NRG3: variants seen among roughly 807,000 people sequenced by gnomAD.
NRG3 encodes the protein pro-neuregulin-3, membrane-bound isoform.
A neutral mutation model predicts 66.9 loss-of-function variants in NRG3; 31 were observed. The ratio of observed to expected loss-of-function variants is 0.46; its 90% CI spans 0.35 to 0.63. NRG3 has a LOEUF of 0.63. Ranked by LOEUF, NRG3 falls within the 20% of genes least tolerant of loss-of-function variation. NRG3 has a pLI of 0.00. For missense variants in NRG3, 910 were observed against 878.9 expected (o/e 1.04, Z -0.45); for synonymous variants, 393 against 359.4 (o/e 1.09, Z -1.06).
At chr10:82,507,190 A>G (rs1349549796) in intron 2 of NRG3, among the ~76,000 whole-genome samples, 1 of 152,152 alleles carries the variant, frequency 6.6e-6, no homozygotes, top group East Asian at 1.9e-4. Context: ...TTGAGTTGGG[A>G]CCATGCTTCC....
intron 1 of NRG3, among the ~76,000 whole-genome samples, chr10:81,887,698 T>C (rs1842723622): frequency 6.6e-6 from 1 of 152,052 alleles, no homozygotes; most frequent in African/African-American, 2.4e-5. Context: ...TGGTGATGAG[T>C]TGTGCTCAAA....
chr10:82,822,436 G>A (rs984033404), intron 3 of NRG3, among the ~76,000 whole-genome samples: 1 of 152,100 alleles, frequency 6.6e-6, no homozygotes, highest in Non-Finnish European at 1.5e-5. Flanking sequence ...CTGCCACAAA[G>A]GTCTTAATGC....
chr10:81,982,544 A>G (rs2060368222), intron 1 of NRG3, among the ~76,000 whole-genome samples: 1 of 152,210 alleles, frequency 6.6e-6, no homozygotes, highest in Non-Finnish European at 1.5e-5. Flanking sequence ...ACAGACAACA[A>G]AAATGTATTT....
At chr10:82,196,506 A>G (rs955950724) in intron 1 of NRG3, among the ~76,000 whole-genome samples, 4 of 152,170 alleles carry the variant, frequency 2.6e-5, no homozygotes, top group African/African-American at 7.2e-5. Context: ...ACACAACCCA[A>G]TTTATCTTTC....
intron 4 of NRG3, among the ~76,000 whole-genome samples, chr10:82,946,033 A>T (rs1038339791): frequency 1.3e-4 from 20 of 152,076 alleles, no homozygotes; most frequent in Non-Finnish European, 1.0e-4. Flanking sequence ...TGTTAATTCA[A>T]GTAACAAGTC....
intron 2 of NRG3, among the ~76,000 whole-genome samples, chr10:82,506,820 A>G (rs991982649): frequency 1.2e-4 from 19 of 152,316 alleles, no homozygotes; most frequent in African/African-American, 4.3e-4. Context: ...TAAAGCTCAC[A>G]TGCTATGGAA....
chr10:82,035,028 T>G (rs1175443103), intron 1 of NRG3, among the ~76,000 whole-genome samples: 1 of 152,132 alleles, frequency 6.6e-6, no homozygotes, highest in Non-Finnish European at 1.5e-5. Flanking sequence ...CTCCGTGCTG[T>G]TCATGGTTCT....
chr10:82,105,910 T>G (rs145325011), intron 1 of NRG3, among the ~76,000 whole-genome samples: 102 of 152,230 alleles, frequency 6.7e-4, no homozygotes, highest in African/African-American at 2.3e-3. Flanking sequence ...ATGCAAAGCC[T>G]TATGTCATAT....
intron 1 of NRG3, among the ~76,000 whole-genome samples, chr10:81,940,870 T>C (rs1848349016): frequency 6.6e-6 from 1 of 152,086 alleles, no homozygotes; most frequent in Non-Finnish European, 1.5e-5. Context: ...GTATATCCTA[T>C]CACATCTTGA....
At chr10:82,967,619 G>T (rs528786273) in intron 6 of NRG3, among the ~76,000 whole-genome samples, 4 of 152,092 alleles carry the variant, frequency 2.6e-5, no homozygotes, top group African/African-American at 9.7e-5. Context: ...CCTCTCTTAC[G>T]TGAGACGGAA....
intron 1 of NRG3, among the ~76,000 whole-genome samples, chr10:82,153,611 G>T (rs2070953222): frequency 6.6e-6 from 1 of 151,914 alleles, no homozygotes; most frequent in Admixed American, 6.6e-5. Flanking sequence ...TGATAATTCT[G>T]TGTAATTTGG....
At chr10:82,538,404 CACAAA>C (rs936591371) in intron 2 of NRG3, among the ~76,000 whole-genome samples, 2 of 152,248 alleles carry the variant, frequency 1.3e-5, no homozygotes, top group South Asian at 2.1e-4. Flanking sequence ...TTTAGTTAAA[CACAAA>C]ACAAAACAAA....
intron 1 of NRG3, among the ~76,000 whole-genome samples, chr10:82,073,516 T>C (rs2064922591): frequency 6.6e-6 from 1 of 152,216 alleles, no homozygotes; most frequent in African/African-American, 2.4e-5. Context: ...CAAAATGATA[T>C]CTGTGCCAGT....
At chr10:82,642,525 A>G (rs1006758540) in intron 2 of NRG3, among the ~76,000 whole-genome samples, 5 of 151,994 alleles carry the variant, frequency 3.3e-5, no homozygotes, top group African/African-American at 9.7e-5. Context: ...CTACTAATTT[A>G]TAGAAAATCA....
At chr10:82,350,867 G>A (rs1358168311) in intron 1 of NRG3, among the ~76,000 whole-genome samples, 1 of 151,282 alleles carries the variant, frequency 6.6e-6, no homozygotes, top group African/African-American at 2.4e-5. Context: ...GAGCTCACAT[G>A]TGCTATTGAG....
intron 2 of NRG3, among the ~76,000 whole-genome samples, chr10:82,566,789 A>T (rs1483900268): frequency 6.6e-6 from 1 of 152,018 alleles, no homozygotes; most frequent in Non-Finnish European, 1.5e-5. Flanking sequence ...TTTAATCAAT[A>T]AAAAATTTTT....
intron 4 of NRG3, among the ~76,000 whole-genome samples, chr10:82,938,430 A>G (rs1848285582): frequency 6.6e-6 from 1 of 152,184 alleles, no homozygotes; most frequent in African/African-American, 2.4e-5. Context: ...ATGCAGTCTG[A>G]TATCCACCTG....
chr10:82,828,477 T>C (rs2062353405), intron 3 of NRG3, among the ~76,000 whole-genome samples: 1 of 152,088 alleles, frequency 6.6e-6, no homozygotes, highest in African/African-American at 2.4e-5. Flanking sequence ...AGAGAGGCTA[T>C]ACCTTACCTA....
intron 1 of NRG3, among the ~76,000 whole-genome samples, chr10:82,157,585 A>G (rs970784360): frequency 6.6e-6 from 1 of 151,622 alleles, no homozygotes; most frequent in South Asian, 2.1e-4. Context: ...TCAATTCAAC[A>G]TACCTATACA....
Sources: gnomAD v4.1 joint callset for allele counts (sites outside exome capture counted in the v4.1 genomes callset) on GRCh38, gnomAD v4.1.1 for gene constraint, MANE v1.5 for transcripts, NCBI Gene and HGNC (gene_info 2026-07-23, HGNC 2026-07-21) for gene names.